Variants in FMNL2 observed in about 807,000 individuals in gnomAD.
FMNL2 encodes formin like 2.
A neutral mutation model predicts 130.2 loss-of-function variants in FMNL2; 51 were observed. The observed-to-expected ratio is 0.39, with a 90% CI of 0.31 to 0.49. The LOEUF is 0.49. Among genes scored for constraint, FMNL2 ranks in the 20% least tolerant of loss-of-function variants. FMNL2 has a pLI of 0.85. For missense variants in FMNL2, 977 were observed against 1,316.2 expected (o/e 0.74, Z 3.99); for synonymous variants, 465 against 467.1 (o/e 1.00, Z 0.06).
chr2:152,523,932 G>C (rs1693245974), intron 2 of FMNL2, among the ~76,000 whole-genome samples: 1 of 152,174 alleles, frequency 6.6e-6, no homozygotes, highest in Admixed American at 6.5e-5. Context: ...AGACAGTGGA[G>C]AGGAAGCTTG....
chr2:152,569,050 T>C (rs992409586), intron 6 of FMNL2, among the ~76,000 whole-genome samples: 1 of 152,064 alleles, frequency 6.6e-6, no homozygotes, highest in African/African-American at 2.4e-5. Context: ...AATGTACTAC[T>C]TTATATTTTT....
chr2:152,390,163 C>A, intron 1 of FMNL2: 1 of 1,275,150 alleles, frequency 7.8e-7, no homozygotes. Context: ...TACTGCTGGA[C>A]CCAGAGCCTG....
rs115312083 is a variant in FMNL2, at chr2:152,503,130, A to G, written c.118-18813A>G. Among the ~76,000 whole-genome samples the G allele has an allele frequency of 1.4e-3, 206 of 152,338 alleles. 1 individual carries two copies. The highest frequency in any genetic ancestry group is 4.2e-3 in the African/African-American group (174 of 41,588). ...CGTTCAAGATGGTAAGGCAGACTTT[A>G]TTTAGTACCATCACGATAGGCGTAG... On this transcript the variant is annotated intron_variant, in intron 1 of 25. Transcript: ENST00000288670.
At chr2:152,552,013 G>A (rs776619634) in intron 4 of FMNL2, among the ~76,000 whole-genome samples, 1 of 152,132 alleles carries the variant, frequency 6.6e-6, no homozygotes, top group Non-Finnish European at 1.5e-5. Flanking sequence ...ATAAAAAATC[G>A]GTGCCCATTT....
At position 152,475,636 on chromosome 2, in the gene FMNL2, A is replaced by G. The variant is rs182426836; in HGVS notation, c.118-46307A>G. 1.1e-3 allele frequency among the ~76,000 whole-genome samples: 172 copies of G among 151,996 alleles called. 1 individual carries two copies. Among genetic ancestry groups the G allele is most frequent in the African/African-American group, 3.9e-3 (161 of 41,448 alleles). On this transcript the variant is annotated intron_variant, in intron 1 of 25. Transcript: ENST00000288670. ...CAGCTTCCCGAGTCGCTGGGATTGC[A>G]GGTGCACACCACCACACTGGCTACT... is the stretch of plus-strand genomic sequence containing the variant.
At chr2:152,389,925 C>T (rs572680337) in intron 1 of FMNL2, 18 of 1,080,728 alleles carry the variant, frequency 1.7e-5, no homozygotes, top group African/African-American at 9.4e-5. Flanking sequence ...AGCGGGTGGC[C>T]GGGCTGGCCA....
At chr2:152,370,562 T>C (rs1270404376) in intron 1 of FMNL2, among the ~76,000 whole-genome samples, 1 of 152,224 alleles carries the variant, frequency 6.6e-6, no homozygotes, top group African/African-American at 2.4e-5. Context: ...CTTCCAGTTA[T>C]CTATTGATAC....
chr2:152,638,163 C>T (rs1283765761), intron 23 of FMNL2, among the ~76,000 whole-genome samples: 1 of 152,140 alleles, frequency 6.6e-6, no homozygotes, highest in African/African-American at 2.4e-5. Context: ...TAAGGATGGG[C>T]ACTCTCTGTT....
At chr2:152,585,509 C>T (rs61740773) in intron 9 of FMNL2, among the ~76,000 whole-genome samples, 1,574 of 152,220 alleles carry the variant, frequency 0.01, 9 homozygotes, top group South Asian at 0.02. Flanking sequence ...AAGGGTTGAT[C>T]GAAAAGATGT....
At chr2:152,454,758 CAA>C (rs2105088794) in intron 1 of FMNL2, among the ~76,000 whole-genome samples, 1 of 152,262 alleles carries the variant, frequency 6.6e-6, no homozygotes, top group South Asian at 2.1e-4. Flanking sequence ...CATCAGCATA[CAA>C]GAGGAAGGGA....
chr2:152,373,350 G>T (rs1683990617), intron 1 of FMNL2, among the ~76,000 whole-genome samples: 1 of 152,076 alleles, frequency 6.6e-6, no homozygotes, highest in South Asian at 2.1e-4. Flanking sequence ...ACAGTTGGGG[G>T]GAGTTTTAGT....
intron 6 of FMNL2, among the ~76,000 whole-genome samples, chr2:152,564,599 G>C (rs1695711800): frequency 6.6e-6 from 1 of 151,892 alleles, no homozygotes; most frequent in African/African-American, 2.4e-5. Flanking sequence ...TGGGTGTGGT[G>C]GTGCACACCT....
At chr2:152,501,243 T>G (rs1466319922) in intron 1 of FMNL2, among the ~76,000 whole-genome samples, 1 of 152,234 alleles carries the variant, frequency 6.6e-6, no homozygotes, top group Non-Finnish European at 1.5e-5. Context: ...ATCTCTTTAT[T>G]TTGATATTTT....
chr2:152,605,925 T>C (rs1698337585), intron 9 of FMNL2, among the ~76,000 whole-genome samples: 1 of 152,204 alleles, frequency 6.6e-6, no homozygotes, highest in Admixed American at 6.5e-5. Context: ...CAGGAAGTCA[T>C]TCATCGTTTT....
Position 152,335,638 on chromosome 2 carries a change from C to G in FMNL2, c.35C>G (p.Thr12Ser), listed in dbSNP as rs1440961505. 3 of 1,593,618 alleles carry G rather than the reference C, an allele frequency of 1.9e-6. No homozygotes were observed. Among genetic ancestry groups the G allele is most frequent in the Admixed American group, 1.7e-5 (1 of 58,600 alleles). The part of the protein sequence containing the change: ...GNAGSMDSQQ[T>S]DFRAHNVPLK... ...GCAGGGAGCATGGATTCGCAGCAGA[C>G]CGATTTCAGGGCGCACAACGTGCCT... Residue 12 changes from threonine (T) to serine (S), a missense_variant, in exon 1 of 26, where the codon ACC becomes AGC. Coordinates refer to ENST00000288670, the MANE Select transcript of FMNL2 (RefSeq NM_052905.4).
chr2:152,618,020 TAGAC>T (rs1232788290), intron 13 of FMNL2, among the ~76,000 whole-genome samples: 2 of 152,156 alleles, frequency 1.3e-5, no homozygotes, highest in Non-Finnish European at 2.9e-5. Context: ...TTATTAGTAA[TAGAC>T]AGGGTGTGAA....
intron 3 of FMNL2, 25 bp from the exon 4 acceptor site, chr2:152,548,996 G>A: frequency 6.4e-7 from 1 of 1,567,122 alleles, no homozygotes; most frequent in Non-Finnish European, 8.7e-7. Context: ...AATATTTTGT[G>A]AGAATATGTG....
At chr2:152,562,611 T>C (rs1253129896) in intron 6 of FMNL2, among the ~76,000 whole-genome samples, 1 of 152,244 alleles carries the variant, frequency 6.6e-6, no homozygotes, top group African/African-American at 2.4e-5. Context: ...TTGGAATGAA[T>C]TGATTCAATA....
intron 1 of FMNL2, among the ~76,000 whole-genome samples, chr2:152,507,929 G>A (rs562838306): frequency 1.3e-5 from 2 of 152,232 alleles, no homozygotes; most frequent in East Asian, 1.9e-4. Context: ...ATGACCAGAA[G>A]ACGTTTTCTA....
Sources: allele counts gnomAD v4.1 joint callset (sites outside exome capture counted in the v4.1 genomes callset), GRCh38; gene constraint gnomAD v4.1.1; transcripts MANE v1.5; gene names NCBI Gene and HGNC (gene_info 2026-07-23, HGNC 2026-07-21).